Variants in CCSER1 observed in about 807,000 individuals in gnomAD.
The protein encoded by CCSER1 is coiled-coil serine rich protein 1.
CCSER1 carries 41 observed loss-of-function variants against 82.0 expected under a neutral mutation model. That is an observed-to-expected ratio of 0.50 (90% CI 0.39 to 0.65). The LOEUF is 0.65. Among genes scored for constraint, CCSER1 ranks in the 30% least tolerant of loss-of-function variants. The pLI is 0.00. For synonymous variants in CCSER1, 414 were observed against 383.9 expected (o/e 1.08, Z -0.92); for missense variants, 1,119 against 1,064.2 (o/e 1.05, Z -0.72).
In CCSER1 at chr4:90,314,501, C is replaced by T. The variant is rs538473283; in HGVS notation, c.1509+1454C>T. On this transcript the variant is annotated intron_variant, in intron 3 of 10. Coordinates refer to ENST00000509176, the MANE Select transcript of CCSER1 (RefSeq NM_001145065.2). Reference sequence around the variant, plus strand: ...CAAAGTTGTGCCTTTTACATATTCTCTCATATCTCATGTGTTTTTCATACT... The same window carrying T: ...CAAAGTTGTGCCTTTTACATATTCTTTCATATCTCATGTGTTTTTCATACT... Among the ~76,000 whole-genome samples, 12 of 152,128 alleles carry T rather than the reference C, an allele frequency of 7.9e-5. No homozygotes were observed. The South Asian group carries it at 2.5e-3, about 32-fold the overall frequency.
chr4:91,507,255 G>A (rs1010549776), intron 10 of CCSER1, among the ~76,000 whole-genome samples: 1 of 152,056 alleles, frequency 6.6e-6, no homozygotes, highest in African/African-American at 2.4e-5. Context: ...AGCAACATAT[G>A]AGGATTTCAA....
At chr4:90,473,674 T>G (rs181755751) in intron 5 of CCSER1, among the ~76,000 whole-genome samples, 98 of 152,316 alleles carry the variant, frequency 6.4e-4, no homozygotes, top group African/African-American at 2.3e-3. Context: ...TTTATCTGAA[T>G]GAATAGTATA....
intron 10 of CCSER1, among the ~76,000 whole-genome samples, chr4:91,501,783 C>T (rs990156528): frequency 1.3e-5 from 2 of 151,944 alleles, no homozygotes; most frequent in African/African-American, 4.8e-5. Context: ...AGTAAGAGAA[C>T]TCAATTTGGG....
intron 7 of CCSER1, among the ~76,000 whole-genome samples, chr4:90,801,382 G>A (rs1377920): frequency 0.02 from 3,042 of 152,196 alleles, 78 homozygotes; most frequent in African/African-American, 0.063. Flanking sequence ...TTTGTACAAA[G>A]GAGTGTTTTT....
At chr4:91,352,763 C>T (rs1748564314) in intron 10 of CCSER1, among the ~76,000 whole-genome samples, 1 of 152,078 alleles carries the variant, frequency 6.6e-6, no homozygotes, top group Non-Finnish European at 1.5e-5. Flanking sequence ...GACAATCCAC[C>T]TAAGCTAACA....
intron 10 of CCSER1, among the ~76,000 whole-genome samples, chr4:91,496,317 A>C (rs1758803473): frequency 6.6e-6 from 1 of 151,198 alleles, no homozygotes; most frequent in African/African-American, 2.4e-5. Flanking sequence ...AGCAGATTAG[A>C]ATAAATTAAG....
At chr4:90,391,286 AG>A (rs58622774) in intron 3 of CCSER1, among the ~76,000 whole-genome samples, 25,802 of 100,332 alleles carry the variant, frequency 0.26, 5,021 homozygotes, top group African/African-American at 0.46. Flanking sequence ...AAAAAAAAAA[AG>A]AAAAAAAAAG....
At chr4:90,564,687 G>GT (rs1553944956) in intron 5 of CCSER1, among the ~76,000 whole-genome samples, 2,871 of 143,652 alleles carry the variant, frequency 0.02, 99 homozygotes, top group African/African-American at 0.067. Flanking sequence ...AATTCATTTT[G>GT]TTTTTTTTTT....
intron 1 of CCSER1, among the ~76,000 whole-genome samples, chr4:90,293,520 A>C (rs1442117869): frequency 6.6e-6 from 1 of 151,374 alleles, no homozygotes; most frequent in African/African-American, 2.4e-5. Context: ...TCAAAAAGGA[A>C]GATCTCCTGC....
At chr4:90,732,853 G>A (rs1191867802) in intron 7 of CCSER1, among the ~76,000 whole-genome samples, 1 of 152,126 alleles carries the variant, frequency 6.6e-6, no homozygotes. Context: ...TGTTACAAAT[G>A]ATAGCATCTA....
At chr4:90,449,179 C>T (rs934809827) in intron 4 of CCSER1, among the ~76,000 whole-genome samples, 1 of 152,166 alleles carries the variant, frequency 6.6e-6, no homozygotes, top group Non-Finnish European at 1.5e-5. Context: ...GCAGGTCATC[C>T]CAACGTCTGC....
At chr4:91,573,812 T>C (rs1166961703) in intron 10 of CCSER1, among the ~76,000 whole-genome samples, 1 of 152,138 alleles carries the variant, frequency 6.6e-6, no homozygotes, top group African/African-American at 2.4e-5. Context: ...CACTAGCTGC[T>C]TCTAGTTGGC....
At chr4:91,326,290 G>A (rs1383796575) in intron 10 of CCSER1, among the ~76,000 whole-genome samples, 1 of 152,120 alleles carries the variant, frequency 6.6e-6, no homozygotes, top group African/African-American at 2.4e-5. Flanking sequence ...AAGCATGACT[G>A]GGAGGCCTCA....
chr4:91,035,392 T>C (rs1043584429), intron 9 of CCSER1, among the ~76,000 whole-genome samples: 12 of 152,104 alleles, frequency 7.9e-5, no homozygotes, highest in African/African-American at 2.9e-4. Flanking sequence ...AAATGATGTA[T>C]CTTAATGTGG....
chr4:90,482,638 TC>T (rs1202548625), intron 5 of CCSER1, among the ~76,000 whole-genome samples: 1 of 152,228 alleles, frequency 6.6e-6, no homozygotes, highest in Non-Finnish European at 1.5e-5. Flanking sequence ...TACCCAGTAG[TC>T]ATTCAGGAGC....
chr4:90,978,746 G>T (rs1434875744), intron 9 of CCSER1, among the ~76,000 whole-genome samples: 1 of 151,624 alleles, frequency 6.6e-6, no homozygotes, highest in Admixed American at 6.6e-5. Context: ...AAAATGTGAA[G>T]TTTATATGTT....
chr4:90,967,370 A>G (rs2053883112), intron 9 of CCSER1, among the ~76,000 whole-genome samples: 1 of 151,706 alleles, frequency 6.6e-6, no homozygotes, highest in African/African-American at 2.4e-5. Context: ...AATCGCTTGA[A>G]CCCAAGAGGT....
At chr4:91,044,839 C>T (rs574240260) in intron 9 of CCSER1, among the ~76,000 whole-genome samples, 1 of 152,292 alleles carries the variant, frequency 6.6e-6, no homozygotes, top group South Asian at 2.1e-4. Context: ...TGAATAAGTG[C>T]TATTTTTCTT....
At chr4:90,529,623 A>G (rs1001715263) in intron 5 of CCSER1, among the ~76,000 whole-genome samples, 1 of 152,230 alleles carries the variant, frequency 6.6e-6, no homozygotes, top group African/African-American at 2.4e-5. Context: ...TCACTTAAGA[A>G]TGGTATACAG....
Sources: allele counts gnomAD v4.1 joint callset (sites outside exome capture counted in the v4.1 genomes callset), GRCh38; gene constraint gnomAD v4.1.1; transcripts MANE v1.5; gene names NCBI Gene and HGNC (gene_info 2026-07-23, HGNC 2026-07-21).